Variants in RAI14 observed in about 807,000 individuals in gnomAD.
RAI14 encodes the protein ankycorbin.
RAI14 carries 45 observed loss-of-function variants against 115.4 expected under a neutral mutation model. The observed-to-expected ratio is 0.39, with a 90% confidence interval of 0.31 to 0.50. The LOEUF is 0.50. Among genes scored for constraint, RAI14 ranks in the 20% least tolerant of loss-of-function variants. The pLI is 0.85. For synonymous variants in RAI14, 371 were observed against 415.4 expected, an observed-to-expected ratio of 0.89 and a Z score of 1.30; for missense variants, 939 against 1,131.2, an observed-to-expected ratio of 0.83 and a Z score of 2.44.
Position 34,812,225 on chromosome 5 carries a change from G to C in RAI14, c.765+17G>C. The stretch of plus-strand genomic sequence containing the variant: ...CCAAAGCAGGTATTTATCTTTGGGG[G>C]AGGCTTCTATGTTTCATTTATGCTT... On this transcript the variant is annotated intron_variant, in intron 10 of 17. Coordinates refer to ENST00000265109, the MANE Select transcript of RAI14 (RefSeq NM_015577.3). 6.4e-7 allele frequency: 1 copy of C among 1,573,150 alleles called. No homozygotes were observed. Among genetic ancestry groups the C allele is most frequent in the Non-Finnish European group, 8.7e-7 (1 of 1,149,782 alleles).
At chr5:34,721,318 TATATATAG>T (rs1195835602) in intron 2 of RAI14, among the ~76,000 whole-genome samples, 3 of 137,448 alleles carry the variant, frequency 2.2e-5, no homozygotes, top group African/African-American at 8.1e-5. Context: ...TATATATATA[TATATATAG>T]ATGTGTATGT....
At chr5:34,665,784 T>G (rs1229326302) in intron 1 of RAI14, among the ~76,000 whole-genome samples, 1 of 152,120 alleles carries the variant, frequency 6.6e-6, no homozygotes, top group African/African-American at 2.4e-5. Flanking sequence ...GAGAATACAA[T>G]TACAAGGGCT....
intron 3 of RAI14, among the ~76,000 whole-genome samples, chr5:34,783,063 T>G (rs1751858322): frequency 6.6e-6 from 1 of 152,198 alleles, no homozygotes. Flanking sequence ...TCAGATCGAT[T>G]ATATCCAGGC....
chr5:34,759,398 G>A (rs1393508348), intron 3 of RAI14, among the ~76,000 whole-genome samples: 1 of 152,196 alleles, frequency 6.6e-6, no homozygotes, highest in African/African-American at 2.4e-5. Flanking sequence ...CAGTGGTTGT[G>A]CAAGCAAAGC....
At chr5:34,719,682 G>A (rs6891221) in intron 2 of RAI14, among the ~76,000 whole-genome samples, 85,416 of 151,954 alleles carry the variant, frequency 0.56, 24,634 homozygotes, top group African/African-American at 0.68. Context: ...CAGGGCACGT[G>A]TCACCTTCTA....
rs1400425991 is a variant in RAI14, at chr5:34,722,183, A to G, written c.36+35228A>G. On this transcript the variant is annotated intron_variant, in intron 2 of 17. Transcript: ENST00000265109. ...CCCCAAAGTGATATGTTGAAATCCA[A>G]ACCCCCAGTTCCTCAGACTGTCACT... Among the ~76,000 whole-genome samples the G allele has an allele frequency of 2.0e-5, 3 of 150,660 alleles. No individual in the cohort carries two copies. In the Admixed American group the frequency reaches 2.0e-4, roughly 10 times the overall value.
chr5:34,751,493 T>C (rs1411399462), intron 2 of RAI14, among the ~76,000 whole-genome samples: 1 of 152,194 alleles, frequency 6.6e-6, no homozygotes, highest in African/African-American at 2.4e-5. Context: ...GTTCCATGTT[T>C]CCTGTTTCTA....
At chr5:34,693,726 A>C (rs1034241272) in intron 2 of RAI14, among the ~76,000 whole-genome samples, 1 of 152,210 alleles carries the variant, frequency 6.6e-6, no homozygotes, top group Non-Finnish European at 1.5e-5. Flanking sequence ...TGTCAACCGC[A>C]GCACACGCTT....
chr5:34,796,267 A>T (rs747262451), intron 4 of RAI14, among the ~76,000 whole-genome samples: 8 of 152,058 alleles, frequency 5.3e-5, no homozygotes, highest in Non-Finnish European at 1.0e-4. Flanking sequence ...GCATGGTGGC[A>T]TGCACCTGTA....
rs865860584 is a variant in RAI14 at position 34,665,055 on chromosome 5, G to A, written c.-49+8580G>A. Among the ~76,000 whole-genome samples the A allele has an allele frequency of 8.0e-4, 19 of 23,748 alleles. 1 individual carries two copies. Among genetic ancestry groups the A allele is most frequent in the South Asian group, 4.3e-3 (3 of 692 alleles). 15.6% of individuals were successfully genotyped at this position (23,748 alleles called of 152,430 possible). On this transcript the variant is annotated intron_variant, in intron 1 of 17. Transcript: ENST00000265109. ...TATGTATATATATGTGTATATATAT[G>A]TGTATATATATGTGTATATATATGT...
chr5:34,754,915 C>T (rs955478610), intron 2 of RAI14, among the ~76,000 whole-genome samples: 3 of 152,140 alleles, frequency 2.0e-5, no homozygotes, highest in Non-Finnish European at 4.4e-5. Flanking sequence ...TCCTTTCATG[C>T]GGCCGTTCCT....
intron 2 of RAI14, among the ~76,000 whole-genome samples, chr5:34,742,623 C>T (rs1341815315): frequency 2.0e-5 from 3 of 151,980 alleles, no homozygotes; most frequent in African/African-American, 7.3e-5. Flanking sequence ...AGCTAAGTGC[C>T]ATACACTACT....
intron 2 of RAI14, among the ~76,000 whole-genome samples, chr5:34,737,924 A>C (rs941373906): frequency 6.6e-5 from 10 of 152,220 alleles, no homozygotes; most frequent in South Asian, 2.1e-4. Flanking sequence ...GAAAGCACAC[A>C]TTAGAAAACC....
At chr5:34,786,962 G>A (rs1752372027) in intron 3 of RAI14, among the ~76,000 whole-genome samples, 1 of 152,234 alleles carries the variant, frequency 6.6e-6, no homozygotes, top group Admixed American at 6.5e-5. Context: ...GGGATGGCCT[G>A]AAACAAAGGG....
chr5:34,751,153 A>AT (rs1746963727), intron 2 of RAI14, among the ~76,000 whole-genome samples: 4 of 81,716 alleles, frequency 4.9e-5, no homozygotes, highest in Non-Finnish European at 6.9e-5. Flanking sequence ...GCCCGGCCAT[A>AT]ATTTTTTTTT....
chr5:34,760,158 C>T (rs1279652554), intron 3 of RAI14, among the ~76,000 whole-genome samples: 1 of 152,098 alleles, frequency 6.6e-6, no homozygotes, highest in East Asian at 1.9e-4. Context: ...AAGCTATTCT[C>T]GTGCCTCAGC....
intron 2 of RAI14, among the ~76,000 whole-genome samples, chr5:34,704,910 T>C (rs1487278248): frequency 6.6e-6 from 1 of 152,190 alleles, no homozygotes; most frequent in Non-Finnish European, 1.5e-5. Flanking sequence ...GCTACATGTG[T>C]CTGTCTAGCA....
intron 3 of RAI14, among the ~76,000 whole-genome samples, chr5:34,775,148 A>G (rs1252111561): frequency 6.6e-6 from 1 of 152,206 alleles, no homozygotes; most frequent in Non-Finnish European, 1.5e-5. Flanking sequence ...AAGACCTCAA[A>G]CTATGAAACT....
At chr5:34,788,489 T>C (rs1752571275) in intron 3 of RAI14, among the ~76,000 whole-genome samples, 1 of 152,210 alleles carries the variant, frequency 6.6e-6, no homozygotes, top group Non-Finnish European at 1.5e-5. Flanking sequence ...AGGAACTTTG[T>C]TTTATTCATT....
Sources: allele counts gnomAD v4.1 joint callset (sites outside exome capture counted in the v4.1 genomes callset), GRCh38; gene constraint gnomAD v4.1.1; transcripts MANE v1.5; gene names NCBI Gene and HGNC (gene_info 2026-07-23, HGNC 2026-07-21).